CALCOCO1: variants seen among roughly 807,000 people sequenced by gnomAD.
CALCOCO1 encodes the protein calcium-binding and coiled-coil domain-containing protein 1.
CALCOCO1 carries 44 observed loss-of-function variants against 86.3 expected under a neutral mutation model. That is an observed-to-expected ratio of 0.51 (90% CI 0.40 to 0.66). CALCOCO1 has a LOEUF of 0.66. Among genes scored for constraint, CALCOCO1 ranks in the 30% least tolerant of loss-of-function variants. The pLI, the probability that CALCOCO1 is intolerant of heterozygous loss-of-function variation, is 0.00. For missense variants in CALCOCO1, 708 were observed against 851.1 expected (o/e 0.83, Z 2.09); for synonymous variants, 297 against 327.6 (o/e 0.91, Z 1.01).
chr12:53,723,407 C>A (rs867419036), intron 4 of CALCOCO1, 186 bp downstream of exon 4: 3 of 634,856 alleles, frequency 4.7e-6, no homozygotes, highest in Middle Eastern at 2.5e-4. Context: ...GGTCTCCTTT[C>A]CTGCCTTACA....
rs1385590886 is a variant in CALCOCO1, at chr12:53,724,757, C to T, written c.157-10G>A. On this transcript the variant is annotated splice_polypyrimidine_tract_variant and intron_variant, in intron 2 of 14. Transcript: ENST00000550804. ...CACAGGCAGCCTCCACCTGTGAAAG[C>T]CCAAGGTTGGAGAAAGGTATGGTCA... 1 of 1,605,686 alleles carries T rather than the reference C, an allele frequency of 6.2e-7. No homozygotes were observed. The highest frequency in any genetic ancestry group is 1.7e-4 in the Middle Eastern group (1 of 6,044).
At chr12:53,719,960 C>T in intron 6 of CALCOCO1, 131 bp from the exon 7 acceptor site, 1 of 552,116 alleles carries the variant, frequency 1.8e-6, no homozygotes, top group Non-Finnish European at 3.2e-6. Flanking sequence ...ATGCATAAAT[C>T]CCCAAGCCAG....
chr12:53,722,873 G>A, intron 4 of CALCOCO1: 1 of 429,232 alleles, frequency 2.3e-6, no homozygotes, highest in Non-Finnish European at 4.6e-6. Flanking sequence ...GCAACAGAGA[G>A]TAGGAGCTCA....
rs1477777480 is a variant in CALCOCO1, at chr12:53,711,939, T to G, written c.*5A>C. On this transcript the variant is annotated 3_prime_UTR_variant, in exon 15 of 15. Coordinates refer to ENST00000550804, the MANE Select transcript of CALCOCO1 (RefSeq NM_020898.3). ...GTGTATTTGTGCATGTACGAGGGAGTAAGATCACTCAAAGGTGAAGGGGTC... is the reference window on the plus strand; with the variant it reads ...GTGTATTTGTGCATGTACGAGGGAGGAAGATCACTCAAAGGTGAAGGGGTC... The G allele has an allele frequency of 1.3e-6, 2 of 1,553,480 alleles. No homozygotes were observed. Among genetic ancestry groups the G allele is most frequent in the East Asian group, 4.6e-5 (2 of 43,918 alleles).
At chr12:53,717,753 G>A (rs1945763446) in intron 7 of CALCOCO1, among the ~76,000 whole-genome samples, 1 of 152,236 alleles carries the variant, frequency 6.6e-6, no homozygotes, top group South Asian at 2.1e-4. Context: ...CAGGTGCAGT[G>A]GCTCATGCCT....
Position 53,719,797 on chromosome 12 carries a change from T to G in CALCOCO1, c.791A>C (p.Glu264Ala), listed in dbSNP as rs1280946114. ...LRDTVKALTREQEKLLGQLKE... is the reference protein window; with the variant it reads ...LRDTVKALTRAQEKLLGQLKE... ...CAGTTGCCCAAGGAGCTTCTCTTGT[T>G]CCCGAGTCAGGGCCTTCACTGTGTC... The change falls in exon 7 of 15, where the codon GAA (glutamate) becomes GCA (alanine). Residue 264 changes from glutamate (E) to alanine (A), a missense_variant. Coordinates refer to ENST00000550804, the MANE Select transcript of CALCOCO1 (RefSeq NM_020898.3). The G allele has an allele frequency of 6.2e-7, 1 of 1,613,794 alleles. No homozygotes were observed. The highest frequency in any genetic ancestry group is 8.5e-7 in the Non-Finnish European group (1 of 1,179,856).
Position 53,714,693 on chromosome 12 carries a change from C to A in CALCOCO1, c.1387G>T (p.Val463Leu), listed in dbSNP as rs1016041125. The A allele has an allele frequency of 2.5e-6, 4 of 1,612,002 alleles. No homozygotes were observed. The highest frequency in any genetic ancestry group is 3.4e-6 in the Non-Finnish European group (4 of 1,178,706). Residue 463 changes from valine (V) to leucine (L), a missense_variant and splice_region_variant, in exon 11 of 15, where the codon GTA becomes TTA. Val to Leu is a conservative substitution (Grantham distance 32). Coordinates refer to ENST00000550804, the MANE Select transcript of CALCOCO1 (RefSeq NM_020898.3). ...TCCCGCTTACTTTCTGACAACTGTA[C>A]CTGAGGGAAGAGGGCCCAATGGAAT... ...ELAREKDSSL[V>L]QLSESKRELT...
Position 53,723,904 on chromosome 12 carries a change from C to T in CALCOCO1, c.260-121G>A, listed in dbSNP as rs1593094784. ...CACCTCCCACAGGCCATACTCTTCT[C>T]CCTCCTTTCTGCCTGTCCCTCTCCT... On this transcript the variant is annotated intron_variant, in intron 3 of 14. Transcript: ENST00000550804. The T allele has an allele frequency of 1.4e-5, 11 of 799,098 alleles. No individual in the cohort carries two copies. The East Asian group carries it at 3.0e-4, about 21-fold the overall frequency. The allele number at this position is 799,098 out of a possible 1,614,324, so 49.5% of individuals were successfully genotyped here.
chr12:53,718,767 C>T (rs906149774), intron 7 of CALCOCO1, among the ~76,000 whole-genome samples: 4 of 149,702 alleles, frequency 2.7e-5, no homozygotes, highest in Non-Finnish European at 5.9e-5. Flanking sequence ...TGGGCTTGAA[C>T]AATCCTCTCG....
chr12:53,723,457 GGCAGGACTTTGTCTAACT>G, intron 4 of CALCOCO1, 118 bp downstream of exon 4: 1 of 848,138 alleles, frequency 1.2e-6, no homozygotes, highest in Non-Finnish European at 1.9e-6. Flanking sequence ...CTCTCCTGGA[GGCAGGACTTTGTCTAACT>G]TTCAACGAGG....
In CALCOCO1 at chr12:53,715,924, T is replaced by C. The variant is rs755761906; in HGVS notation, c.1129A>G (p.Ile377Val). The C allele has an allele frequency of 3.1e-6, 5 of 1,614,082 alleles. No homozygotes were observed. The highest frequency in any genetic ancestry group is 1.6e-4 in the Middle Eastern group (1 of 6,062). Reference sequence around the variant, plus strand: ...AGGCGGCTGCGGTGTAGTTCGGCTATGGTGCGGTCCCTGGCTGCTGCTGCA... The same window carrying C: ...AGGCGGCTGCGGTGTAGTTCGGCTACGGTGCGGTCCCTGGCTGCTGCTGCA... ...ASAAAARDRT[I>V]AELHRSRLEV... Residue 377 changes from isoleucine to valine, a missense_variant, in exon 9 of 15, where the codon ATA becomes GTA. By Grantham distance (29) the Ile-to-Val change is conservative. Transcript: ENST00000550804.
intron 4 of CALCOCO1, chr12:53,722,943 C>CCAAAA: frequency 5.3e-6 from 1 of 188,528 alleles, no homozygotes; most frequent in Non-Finnish European, 9.9e-6. Flanking sequence ...AAGGCTGTCT[C>CCAAAA]AAAAAAAAAA....
rs1332099820 is a variant in CALCOCO1 at position 53,709,739 on chromosome 12, G to C, written c.*2205C>G. On this transcript the variant is annotated 3_prime_UTR_variant, in exon 15 of 15. Coordinates refer to ENST00000550804, the MANE Select transcript of CALCOCO1 (RefSeq NM_020898.3). ...GCAGCTAGCCATGTGGCTCCTGTGGGTGTATGTGCGGCTTGGCAGGGGCTG... is the reference window on the plus strand; with the variant it reads ...GCAGCTAGCCATGTGGCTCCTGTGGCTGTATGTGCGGCTTGGCAGGGGCTG... The C allele has an allele frequency of 6.5e-6, 1 of 152,790 alleles. No homozygotes were observed. The highest frequency in any genetic ancestry group is 2.4e-5 in the African/African-American group (1 of 41,560). The allele number at this position is 152,790 out of a possible 1,614,324, so 9.5% of individuals were successfully genotyped here.
At chr12:53,722,424 C>T (rs553214297) in intron 4 of CALCOCO1, among the ~76,000 whole-genome samples, 2 of 152,302 alleles carry the variant, frequency 1.3e-5, no homozygotes, top group South Asian at 4.1e-4. Flanking sequence ...AGGCCTGGCC[C>T]TTTCCTCATC....
intron 14 of CALCOCO1, 36 bp from the exon 15 acceptor site, chr12:53,712,157 G>T (rs767082178): frequency 1.3e-6 from 2 of 1,543,858 alleles, no homozygotes; most frequent in Non-Finnish European, 8.8e-7. Context: ...GAGGGTCGGC[G>T]TGCTCTGTTC....
At chr12:53,712,915 A>G (rs1945610021) in intron 14 of CALCOCO1, 185 bp downstream of exon 14, 1 of 1,365,676 alleles carries the variant, frequency 7.3e-7, no homozygotes, top group Non-Finnish European at 1.0e-6. Flanking sequence ...GGTAGGGATT[A>G]CCTGAAGGCA....
Position 53,715,253 on chromosome 12 carries a change from T to C in CALCOCO1, c.1333A>G (p.Thr445Ala). 2 of 1,614,064 alleles carry C rather than the reference T, an allele frequency of 1.2e-6. No individual in the cohort carries two copies. Among genetic ancestry groups the C allele is most frequent in the East Asian group, 2.2e-5 (1 of 44,848 alleles). ...RLEKAVQEER[T>A]QNQVFKTELA... is the part of the protein sequence containing the mutation. ...TCAGTCTTGAACACTTGGTTTTGGG[T>C]CCTCTCCTCCTGAACTGCCTTCTCC... Residue 445 changes from threonine to alanine, a missense_variant, in exon 10 of 15, where the codon ACC becomes GCC. By Grantham distance (58) the Thr-to-Ala change is moderately conservative. Transcript: ENST00000550804.
At chr12:53,712,298 C>A in intron 14 of CALCOCO1, 177 bp from the exon 15 acceptor site, 1 of 593,564 alleles carries the variant, frequency 1.7e-6, no homozygotes, top group South Asian at 2.1e-5. Context: ...GCTTATTTTT[C>A]CAGTTCCCCA....
rs1945523074 is a variant in CALCOCO1, at chr12:53,710,360, G to A, written c.*1584C>T. 6.6e-6 allele frequency: 1 copy of A among 152,396 alleles called. No homozygotes were observed. The highest frequency in any genetic ancestry group is 1.5e-5 in the Non-Finnish European group (1 of 68,104). The allele number at this position is 152,396 out of a possible 1,614,324, so 9.4% of individuals were successfully genotyped here. ...GAGCATTTCAGGTGAATGGAGAAAG[G>A]GAATGGTGGGGGTGGTCCACACAGG... On this transcript the variant is annotated 3_prime_UTR_variant, in exon 15 of 15. Transcript: ENST00000550804.
Sources: allele counts gnomAD v4.1 joint callset (sites outside exome capture counted in the v4.1 genomes callset), GRCh38; gene constraint gnomAD v4.1.1; transcripts MANE v1.5; gene names NCBI Gene and HGNC (gene_info 2026-07-23, HGNC 2026-07-21).